TMEM131: variants seen among roughly 807,000 people sequenced by gnomAD.
TMEM131 encodes transmembrane protein 131.
In TMEM131, 66 loss-of-function variants were observed where a neutral mutation model predicts 211.6. The observed-to-expected ratio is 0.31, with a 90% CI of 0.26 to 0.38. TMEM131 has a LOEUF of 0.38. TMEM131 is among the 10% of genes least tolerant of loss of function. TMEM131 has a pLI of 1.00. For synonymous variants in TMEM131, 844 were observed against 841.3 expected (o/e 1.00, Z -0.06); for missense variants, 2,036 against 2,299.3 (o/e 0.89, Z 2.34).
chr2:97,977,205 G>T (rs954317968), intron 1 of TMEM131, among the ~76,000 whole-genome samples: 4 of 152,176 alleles, frequency 2.6e-5, no homozygotes, highest in Non-Finnish European at 5.9e-5. Context: ...CTCTTCAAAA[G>T]ACTGTTATGA....
intron 4 of TMEM131, among the ~76,000 whole-genome samples, chr2:97,881,563 C>T (rs1674931724): frequency 6.6e-6 from 1 of 151,866 alleles, no homozygotes; most frequent in African/African-American, 2.4e-5. Context: ...CTCAGTTGAC[C>T]TGCCCTCCTG....
chr2:97,763,904 T>C (rs1184017095), intron 35 of TMEM131: 2 of 152,164 alleles, frequency 1.3e-5, no homozygotes, highest in Non-Finnish European at 2.9e-5. Context: ...GTGCTTGAGG[T>C]AGGAGTGAAG....
chr2:97,990,316 GAA>G (rs757056716), intron 1 of TMEM131, among the ~76,000 whole-genome samples: 1 of 141,064 alleles, frequency 7.1e-6, no homozygotes, highest in African/African-American at 2.6e-5. Flanking sequence ...GTGGCTGATT[GAA>G]AAAAAAAAAA....
chr2:97,759,571 C>T, intron 39 of TMEM131, 81 bp downstream of exon 39: 1 of 1,217,092 alleles, frequency 8.2e-7, no homozygotes, highest in Non-Finnish European at 1.2e-6. Flanking sequence ...GTGCTGTGTT[C>T]TCCAGCACAC....
chr2:97,919,823 G>C (rs1327154013), intron 2 of TMEM131, among the ~76,000 whole-genome samples: 1 of 152,200 alleles, frequency 6.6e-6, no homozygotes, highest in African/African-American at 2.4e-5. Flanking sequence ...ACCTGCCTCA[G>C]CCTCCCAAAG....
At chr2:97,943,701 A>G (rs11690482) in intron 1 of TMEM131, among the ~76,000 whole-genome samples, 114,045 of 152,166 alleles carry the variant, frequency 0.75, 44,417 homozygotes, top group African/African-American at 0.87. Flanking sequence ...TGAAAAAGAA[A>G]GACACAATGG....
chr2:97,825,049 G>A (rs1229011057), intron 11 of TMEM131, among the ~76,000 whole-genome samples: 7 of 152,236 alleles, frequency 4.6e-5, no homozygotes, highest in Non-Finnish European at 7.4e-5. Context: ...GTATTCCCCT[G>A]CACTCTGACT....
At chr2:97,897,555 TA>T (rs752667457) in intron 3 of TMEM131, among the ~76,000 whole-genome samples, 1 of 152,168 alleles carries the variant, frequency 6.6e-6, no homozygotes, top group Middle Eastern at 3.2e-3. Context: ...AGAAAAATTA[TA>T]TTGTTTTCAA....
chr2:97,976,577 C>T (rs1264061359), intron 1 of TMEM131, among the ~76,000 whole-genome samples: 2 of 152,098 alleles, frequency 1.3e-5, no homozygotes, highest in South Asian at 2.1e-4. Flanking sequence ...GAAGTCAGTT[C>T]CCCCCACAAA....
At chr2:97,796,494 A>T in intron 27 of TMEM131, 90 bp from the exon 28 acceptor site, 1 of 830,524 alleles carries the variant, frequency 1.2e-6, no homozygotes, top group Non-Finnish European at 1.8e-6. Context: ...GAATTACTAT[A>T]TGTCACAGGT....
At chr2:97,956,761 A>G (rs866193534) in intron 1 of TMEM131, among the ~76,000 whole-genome samples, 13 of 152,028 alleles carry the variant, frequency 8.6e-5, no homozygotes, top group Admixed American at 1.3e-4. Flanking sequence ...ATTAGTCTTT[A>G]ATAGTTTATT....
Position 97,995,741 on chromosome 2 carries a change from G to A in TMEM131, c.-79C>T. ...AGGCGGCGGCGGCGCGGAAGCCGTGGTCCGGGCTCTGGCCGCGGCGCCGGG... is the reference window on the plus strand; with the variant it reads ...AGGCGGCGGCGGCGCGGAAGCCGTGATCCGGGCTCTGGCCGCGGCGCCGGG... On this transcript the variant is annotated 5_prime_UTR_variant, in exon 1 of 41. Coordinates refer to ENST00000186436, the MANE Select transcript of TMEM131 (RefSeq NM_015348.2). 9.3e-7 allele frequency: 1 copy of A among 1,080,068 alleles called. No homozygotes were observed. The highest frequency in any genetic ancestry group is 1.1e-6 in the Non-Finnish European group (1 of 874,002). 66.9% of individuals were successfully genotyped at this position (1,080,068 alleles called of 1,614,324 possible).
At chr2:97,790,545 A>G (rs1680455637) in intron 31 of TMEM131, among the ~76,000 whole-genome samples, 2 of 152,218 alleles carry the variant, frequency 1.3e-5, no homozygotes, top group African/African-American at 2.4e-5. Context: ...TAGGTTCTCA[A>G]TGAGTGACCC....
chr2:97,993,062 T>G (rs759855895), intron 1 of TMEM131, among the ~76,000 whole-genome samples: 2 of 152,222 alleles, frequency 1.3e-5, no homozygotes, highest in Non-Finnish European at 2.9e-5. Flanking sequence ...CATGAAAAAC[T>G]ACATTAGGTA....
intron 2 of TMEM131, among the ~76,000 whole-genome samples, chr2:97,924,637 T>C (rs771387402): frequency 2.6e-5 from 4 of 152,174 alleles, no homozygotes; most frequent in African/African-American, 7.2e-5. Flanking sequence ...GGTGAGTTCG[T>C]TCCTGTAATG....
At chr2:97,815,814 C>T (rs1358255657) in intron 12 of TMEM131, among the ~76,000 whole-genome samples, 1 of 152,142 alleles carries the variant, frequency 6.6e-6, no homozygotes, top group African/African-American at 2.4e-5. Flanking sequence ...CCCCACTTAG[C>T]CCTGCTGATT....
intron 25 of TMEM131, among the ~76,000 whole-genome samples, chr2:97,798,874 C>G (rs1245535639): frequency 6.6e-6 from 1 of 152,208 alleles, no homozygotes; most frequent in Non-Finnish European, 1.5e-5. Context: ...ATCAACTACT[C>G]TGATTAACTG....
chr2:97,903,221 A>T (rs1302025028), intron 3 of TMEM131, among the ~76,000 whole-genome samples: 1 of 152,192 alleles, frequency 6.6e-6, no homozygotes, highest in Non-Finnish European at 1.5e-5. Flanking sequence ...ACCAGAAAGT[A>T]AGAAGTGCTC....
chr2:97,792,921 T>C lies in TMEM131; in HGVS notation c.3609A>G (p.Ser1203=). The C allele has an allele frequency of 1.2e-6, 2 of 1,611,658 alleles. No homozygotes were observed. The highest frequency in any genetic ancestry group is 1.7e-6 in the Non-Finnish European group (2 of 1,179,294). The change falls in exon 31 of 41, where the codon TCA becomes TCG. Residue 1203 remains serine, a synonymous_variant. Transcript: ENST00000186436. ...SRGFCGAGGS[S]SRPSAGSHKQ... ...TATGACTCCCGGCACTGGGTCGGGA[T>C]GATGAACCGCCTGCTCCACAGAACC...
Sources: allele counts gnomAD v4.1 joint callset (sites outside exome capture counted in the v4.1 genomes callset), GRCh38; gene constraint gnomAD v4.1.1; transcripts MANE v1.5; gene names NCBI Gene and HGNC (gene_info 2026-07-23, HGNC 2026-07-21).